Variants in SDK1 observed in about 807,000 individuals in gnomAD.
SDK1 encodes the protein protein sidekick-1.
Under a neutral mutation model 245.5 loss-of-function variants are expected in SDK1, and 157 were observed. That is an observed-to-expected ratio of 0.64 (90% CI 0.56 to 0.73). The LOEUF (loss-of-function observed/expected upper bound fraction) is 0.73. SDK1 is among the 30% of genes least tolerant of loss of function. SDK1 has a pLI of 0.00. For synonymous variants in SDK1, 1,647 were observed against 1,278.5 expected, an observed-to-expected ratio of 1.29 and a Z score of -6.15; for missense variants, 3,583 against 3,002.3, an observed-to-expected ratio of 1.19 and a Z score of -4.52.
intron 4 of SDK1, among the ~76,000 whole-genome samples, chr7:3,788,956 G>C (rs1342279017): frequency 1.3e-5 from 2 of 152,180 alleles, no homozygotes; most frequent in Non-Finnish European, 2.9e-5. Flanking sequence ...GTTTACGGGG[G>C]CTCCCCTCTG....
At chr7:3,395,113 A>G (rs1220992817) in intron 1 of SDK1, among the ~76,000 whole-genome samples, 1 of 151,954 alleles carries the variant, frequency 6.6e-6, no homozygotes, top group Non-Finnish European at 1.5e-5. Flanking sequence ...ACCAATATGT[A>G]TTATATTCAC....
chr7:4,263,441 G>T (rs914117085), intron 44 of SDK1, among the ~76,000 whole-genome samples: 2 of 148,420 alleles, frequency 1.3e-5, no homozygotes, highest in African/African-American at 5.0e-5. Flanking sequence ...CTCCTGAGTG[G>T]GGAGGCCGCG....
rs1441073027 is a variant in SDK1 at position 3,573,898 on chromosome 7, CTA to C, written c.299-45180_299-45179del. On this transcript the variant is annotated intron_variant, in intron 1 of 44. Coordinates refer to ENST00000404826, the MANE Select transcript of SDK1 (RefSeq NM_152744.4). ...AATAAACTGAATGTGTAATTAAGCA[CTA>C]TGTTTTGTGTCCTTTTTATGACAGG... is the stretch of plus-strand genomic sequence containing the variant. Among the ~76,000 whole-genome samples the C allele has an allele frequency of 2.0e-5, 3 of 151,180 alleles. 1 individual carries two copies. The highest frequency in any genetic ancestry group is 4.4e-5 in the Non-Finnish European group (3 of 67,948).
At chr7:3,320,010 A>T (rs1641143960) in intron 1 of SDK1, among the ~76,000 whole-genome samples, 2 of 151,464 alleles carry the variant, frequency 1.3e-5, no homozygotes, top group Admixed American at 1.3e-4. Flanking sequence ...AATTGCCTGG[A>T]TGTGGTGGAG....
chr7:3,871,340 TAGAC>T (rs1217474418), intron 5 of SDK1, among the ~76,000 whole-genome samples: 2 of 152,230 alleles, frequency 1.3e-5, no homozygotes, highest in Non-Finnish European at 2.9e-5. Flanking sequence ...AGTTTCTACA[TAGAC>T]AATCACTTCA....
At chr7:3,469,596 T>A (rs1371607661) in intron 1 of SDK1, among the ~76,000 whole-genome samples, 1 of 152,174 alleles carries the variant, frequency 6.6e-6, no homozygotes, top group Non-Finnish European at 1.5e-5. Flanking sequence ...AAAGAAAGTT[T>A]TTGTGTATGT....
At chr7:3,557,651 T>A (rs1010691407) in intron 1 of SDK1, among the ~76,000 whole-genome samples, 8 of 152,242 alleles carry the variant, frequency 5.3e-5, no homozygotes, top group Non-Finnish European at 8.8e-5. Context: ...AGCATTGTAC[T>A]AAGGCTTTCA....
At chr7:4,119,428 C>G (rs1473555265) in intron 25 of SDK1, among the ~76,000 whole-genome samples, 1 of 148,412 alleles carries the variant, frequency 6.7e-6, no homozygotes, top group East Asian at 1.9e-4. Flanking sequence ...GCACTGCAGC[C>G]TGGGTGGCAG....
At chr7:3,972,876 A>AT (rs993083831) in intron 12 of SDK1, among the ~76,000 whole-genome samples, 4 of 152,222 alleles carry the variant, frequency 2.6e-5, no homozygotes, top group African/African-American at 7.2e-5. Context: ...GCAAAACAAA[A>AT]CAAGCAAAAC....
intron 1 of SDK1, among the ~76,000 whole-genome samples, chr7:3,558,295 G>A (rs1779649773): frequency 6.6e-6 from 1 of 152,228 alleles, no homozygotes; most frequent in Non-Finnish European, 1.5e-5. Flanking sequence ...TATCCTCAGA[G>A]TTTGGAACCT....
At chr7:4,183,092 C>T (rs551397491) in intron 35 of SDK1, among the ~76,000 whole-genome samples, 169 of 152,240 alleles carry the variant, frequency 1.1e-3, no homozygotes, top group African/African-American at 3.9e-3. Context: ...GATGCCATCA[C>T]GGGGCGTGGA....
intron 2 of SDK1, among the ~76,000 whole-genome samples, chr7:3,619,656 C>T (rs1390194563): frequency 6.6e-6 from 1 of 152,168 alleles, no homozygotes; most frequent in African/African-American, 2.4e-5. Context: ...AAAAGTCTTT[C>T]CTAGCTGTTT....
chr7:4,129,842 C>G lies in SDK1; in HGVS notation c.3940-66C>G. On this transcript the variant is annotated intron_variant, in intron 26 of 44. Transcript: ENST00000404826. Reference sequence around the variant, plus strand: ...CCTTGATTCACGAAGGGGGCCTGCCCCATGCCACGGCGGTCCCTCCTGGCA... The same window carrying G: ...CCTTGATTCACGAAGGGGGCCTGCCGCATGCCACGGCGGTCCCTCCTGGCA... 3.8e-6 allele frequency: 6 copies of G among 1,598,948 alleles called. No homozygotes were observed. In the East Asian group the frequency reaches 6.7e-5, roughly 18 times the overall value.
intron 19 of SDK1, among the ~76,000 whole-genome samples, chr7:4,052,172 C>G (rs906898960): frequency 1.2e-4 from 13 of 112,322 alleles, no homozygotes; most frequent in African/African-American, 3.1e-4. Flanking sequence ...CCATGATCCC[C>G]CCCCCCCCGA....
intron 1 of SDK1, among the ~76,000 whole-genome samples, chr7:3,502,609 T>C (rs1782252957): frequency 6.6e-6 from 1 of 152,222 alleles, no homozygotes; most frequent in African/African-American, 2.4e-5. Flanking sequence ...ACATACAAAA[T>C]TTGGATTTAC....
intron 1 of SDK1, among the ~76,000 whole-genome samples, chr7:3,358,231 A>G (rs892006161): frequency 6.6e-6 from 1 of 152,126 alleles, no homozygotes; most frequent in African/African-American, 2.4e-5. Context: ...CATGTTGGCC[A>G]GGTTGGTTTT....
chr7:3,619,546 C>G (rs1348815593), intron 2 of SDK1, among the ~76,000 whole-genome samples: 3 of 152,172 alleles, frequency 2.0e-5, no homozygotes, highest in Admixed American at 6.5e-5. Context: ...CATTTACTTT[C>G]CAAGGGCAAC....
chr7:3,458,466 A>G (rs1266708998), intron 1 of SDK1, among the ~76,000 whole-genome samples: 1 of 151,626 alleles, frequency 6.6e-6, no homozygotes, highest in Admixed American at 6.6e-5. Context: ...TTATCTTCAA[A>G]TTTGTTTCCC....
chr7:3,492,140 C>T (rs1025718292), intron 1 of SDK1, among the ~76,000 whole-genome samples: 2 of 152,328 alleles, frequency 1.3e-5, no homozygotes, highest in Non-Finnish European at 2.9e-5. Context: ...ACTTAGGATG[C>T]TAGGGAACTT....
Sources: gnomAD v4.1 joint callset for allele counts (sites outside exome capture counted in the v4.1 genomes callset) on GRCh38, gnomAD v4.1.1 for gene constraint, MANE v1.5 for transcripts, NCBI Gene and HGNC (gene_info 2026-07-23, HGNC 2026-07-21) for gene names.